Variants in TRIT1 observed in about 807,000 individuals in gnomAD.
The protein encoded by TRIT1 is tRNA isopentenyltransferase 1, also known as tRNA dimethylallyltransferase.
In TRIT1, 43 loss-of-function variants were observed where a neutral mutation model predicts 51.2. The ratio of observed to expected loss-of-function variants is 0.84; its 90% CI spans 0.66 to 1.08. The LOEUF (loss-of-function observed/expected upper bound fraction) is 1.08, where lower values mean the gene tolerates loss of function less well. TRIT1 is among the 50% of genes least tolerant of loss of function. TRIT1 has a pLI of 0.00. For synonymous variants in TRIT1, 184 were observed against 203.9 expected, an observed-to-expected ratio of 0.90 and a Z score of 0.83; for missense variants, 528 against 578.4, an observed-to-expected ratio of 0.91 and a Z score of 0.89.
intron 1 of TRIT1, among the ~76,000 whole-genome samples, chr1:39,862,279 C>A (rs1220376289): frequency 6.8e-6 from 1 of 146,816 alleles, no homozygotes; most frequent in Admixed American, 6.8e-5. Context: ...AAATGGCCAC[C>A]GAAATGGTTA....
At chr1:39,846,544 T>C (rs1310850610) in intron 8 of TRIT1, among the ~76,000 whole-genome samples, 2 of 152,206 alleles carry the variant, frequency 1.3e-5, no homozygotes, top group Admixed American at 6.5e-5. Context: ...GTGTCAGGCC[T>C]GCATTCAGTT....
chr1:39,856,584 C>A (rs1012536676), intron 2 of TRIT1, among the ~76,000 whole-genome samples: 1 of 151,772 alleles, frequency 6.6e-6, no homozygotes, highest in Non-Finnish European at 1.5e-5. Context: ...TAAATAAGTT[C>A]CATGCTATTA....
At chr1:39,855,616 G>A (rs1424917333) in intron 2 of TRIT1, among the ~76,000 whole-genome samples, 1 of 152,132 alleles carries the variant, frequency 6.6e-6, no homozygotes, top group Non-Finnish European at 1.5e-5. Flanking sequence ...TTCAGATTTT[G>A]GAGTATTTTG....
At chr1:39,867,920 C>T (rs1306640182) in intron 1 of TRIT1, among the ~76,000 whole-genome samples, 1 of 152,040 alleles carries the variant, frequency 6.6e-6, no homozygotes, top group East Asian at 1.9e-4. Context: ...GAAAAGACAG[C>T]TACCACACAC....
chr1:39,847,256 T>C lies in TRIT1; in HGVS notation c.970A>G (p.Lys324Glu), dbSNP rs1378806526. The change falls in exon 8 of 11, where the codon AAA becomes GAA. Residue 324 changes from lysine (K) to glutamate (E), a missense_variant. This residue lies in a region of TRIT1 where 468 missense variants were observed against 522.6 expected (regional missense o/e 0.90). Coordinates refer to ENST00000316891, the MANE Select transcript of TRIT1 (RefSeq NM_017646.6). The part of the protein sequence containing the change: ...LKQVTKRYAR[K>E]QNRWVKNRFL... Reference sequence around the variant, plus strand: ...CGGTTTTTAACCCATCGGTTTTGTTTCCGGGCATATCTCTTAGTTACTTGT... The same window carrying C: ...CGGTTTTTAACCCATCGGTTTTGTTCCCGGGCATATCTCTTAGTTACTTGT... 1 of 1,614,200 alleles carries C rather than the reference T, an allele frequency of 6.2e-7. No homozygotes were observed. The highest frequency in any genetic ancestry group is 2.2e-5 in the East Asian group (1 of 44,880).
intron 9 of TRIT1, 132 bp downstream of exon 9, chr1:39,844,399 T>C: frequency 2.3e-6 from 2 of 870,766 alleles, no homozygotes; most frequent in Non-Finnish European, 3.7e-6. Flanking sequence ...CTCCAGGTAT[T>C]AAAAAGCAGC....
At chr1:39,868,170 T>G (rs1402799539) in intron 1 of TRIT1, among the ~76,000 whole-genome samples, 1 of 151,130 alleles carries the variant, frequency 6.6e-6, no homozygotes, top group African/African-American at 2.4e-5. Flanking sequence ...ATGGTCTCGA[T>G]CTCCTGACCT....
At chr1:39,876,528 G>GTATATATCTATCTATCTATCTATCTATC (rs143110843) in intron 1 of TRIT1, among the ~76,000 whole-genome samples, 258 of 127,644 alleles carry the variant, frequency 2.0e-3, no homozygotes, top group Admixed American at 4.4e-3. Flanking sequence ...ATTTATATGT[G>GTATATATCTATCTATCTATCTATCTATC]TATCTATCTA....
intron 1 of TRIT1, among the ~76,000 whole-genome samples, chr1:39,872,939 G>A (rs1418250203): frequency 6.6e-6 from 1 of 152,156 alleles, no homozygotes; most frequent in East Asian, 1.9e-4. Flanking sequence ...GCTAAAATCA[G>A]AGGGTGAAAC....
intron 1 of TRIT1, among the ~76,000 whole-genome samples, chr1:39,875,026 C>T (rs764256041): frequency 6.6e-6 from 1 of 152,078 alleles, no homozygotes. Flanking sequence ...TTTCATAGTG[C>T]TTCCAATTCA....
chr1:39,882,661 A>G (rs1293714184), intron 1 of TRIT1, among the ~76,000 whole-genome samples: 2 of 152,258 alleles, frequency 1.3e-5, no homozygotes, highest in African/African-American at 4.8e-5. Flanking sequence ...CTTATTCCGG[A>G]CAGGGCACTC....
At chr1:39,868,168 G>C (rs1304525346) in intron 1 of TRIT1, among the ~76,000 whole-genome samples, 2 of 150,966 alleles carry the variant, frequency 1.3e-5, no homozygotes, top group Non-Finnish European at 2.9e-5. Context: ...GGATGGTCTC[G>C]ATCTCCTGAC....
intron 1 of TRIT1, among the ~76,000 whole-genome samples, chr1:39,872,493 T>C (rs999560550): frequency 6.6e-6 from 1 of 152,036 alleles, no homozygotes; most frequent in Non-Finnish European, 1.5e-5. Flanking sequence ...TAAGTAAATA[T>C]ACTATAGGGA....
chr1:39,860,523 C>G (rs1200342482), intron 1 of TRIT1, among the ~76,000 whole-genome samples: 2 of 152,118 alleles, frequency 1.3e-5, no homozygotes, highest in Non-Finnish European at 2.9e-5. Context: ...TCAGAAAAAA[C>G]TAGGAAACCA....
intron 1 of TRIT1, among the ~76,000 whole-genome samples, chr1:39,861,025 T>C (rs1643208593): frequency 6.6e-6 from 1 of 152,146 alleles, no homozygotes; most frequent in Non-Finnish European, 1.5e-5. Context: ...TGCAGTGAGC[T>C]GAGATGGTGC....
intron 1 of TRIT1, among the ~76,000 whole-genome samples, chr1:39,871,799 G>C (rs1486223162): frequency 6.6e-6 from 1 of 152,108 alleles, no homozygotes; most frequent in East Asian, 1.9e-4. Flanking sequence ...TGATAGAACT[G>C]TTCAGTATGG....
intron 1 of TRIT1, among the ~76,000 whole-genome samples, chr1:39,863,918 G>A (rs577377725): frequency 5.3e-5 from 8 of 152,258 alleles, no homozygotes; most frequent in African/African-American, 1.7e-4. Context: ...TTCACTGGGA[G>A]ACATCTGGCA....
At chr1:39,847,376 A>G in intron 7 of TRIT1, 79 bp from the exon 8 acceptor site, 1 of 1,514,382 alleles carries the variant, frequency 6.6e-7, no homozygotes, top group South Asian at 1.1e-5. Context: ...CCAGCCCAGC[A>G]GGAAAAAGTC....
At chr1:39,883,245 T>C in intron 1 of TRIT1, 73 bp downstream of exon 1, 1 of 1,516,478 alleles carries the variant, frequency 6.6e-7, no homozygotes, top group Non-Finnish European at 8.9e-7. Flanking sequence ...GTTCACCCTT[T>C]AAGACCTTTG....
Sources: allele counts gnomAD v4.1 joint callset (sites outside exome capture counted in the v4.1 genomes callset), GRCh38; gene constraint gnomAD v4.1.1; regional missense constraint gnomAD v4.1.1; transcripts MANE v1.5; gene names NCBI Gene and HGNC (gene_info 2026-07-23, HGNC 2026-07-21).